Variants in TMPRSS15 observed in about 807,000 individuals in gnomAD.
The protein encoded by TMPRSS15 is transmembrane serine protease 15.
TMPRSS15 carries 128 observed loss-of-function variants against 125.3 expected under a neutral mutation model. The observed-to-expected ratio is 1.02, with a 90% confidence interval of 0.89 to 1.18. The LOEUF (loss-of-function observed/expected upper bound fraction) is 1.18. TMPRSS15 is among the 50% of genes most tolerant of loss of function. The pLI, the probability that TMPRSS15 is intolerant of heterozygous loss-of-function variation, is 0.00. For synonymous variants in TMPRSS15, 446 were observed against 423.2 expected (o/e 1.05, Z -0.66); for missense variants, 1,283 against 1,212.7 (o/e 1.06, Z -0.86).
chr21:18,434,864 T>A (rs919997054), intron 1 of TMPRSS15, among the ~76,000 whole-genome samples: 2 of 152,088 alleles, frequency 1.3e-5, no homozygotes, highest in African/African-American at 2.4e-5. Context: ...TATCTAGCCT[T>A]ATATAATTAT....
At chr21:18,280,411 C>T (rs113009667) in intron 22 of TMPRSS15, among the ~76,000 whole-genome samples, 181 of 151,904 alleles carry the variant, frequency 1.2e-3, no homozygotes, top group Non-Finnish European at 2.2e-3. Flanking sequence ...CCCATCTCTA[C>T]TAAAAATACA....
intron 3 of TMPRSS15, among the ~76,000 whole-genome samples, chr21:18,397,116 C>A (rs568155690): frequency 1.3e-5 from 2 of 151,504 alleles, no homozygotes; most frequent in African/African-American, 4.8e-5. Context: ...TTACATTTTT[C>A]TTTCTTTTAT....
At chr21:18,443,159 AG>A (rs34915266) in intron 1 of TMPRSS15, among the ~76,000 whole-genome samples, 3 of 152,216 alleles carry the variant, frequency 2.0e-5, no homozygotes, top group Non-Finnish European at 4.4e-5. Context: ...GAAAAACGGC[AG>A]GGAAGCTACG....
intron 13 of TMPRSS15, among the ~76,000 whole-genome samples, chr21:18,333,796 T>C (rs1283330293): frequency 6.6e-6 from 1 of 152,150 alleles, no homozygotes; most frequent in Non-Finnish European, 1.5e-5. Context: ...AGATTAACTT[T>C]ATAAAATTCT....
chr21:18,345,537 C>T (rs949486671), intron 10 of TMPRSS15, among the ~76,000 whole-genome samples: 1 of 150,386 alleles, frequency 6.6e-6, no homozygotes, highest in Non-Finnish European at 1.5e-5. Flanking sequence ...GTCAGGAGAT[C>T]CAGACCATCC....
rs183638913 is a variant in TMPRSS15, at chr21:18,358,949, T to A, written c.880+808A>T. On this transcript the variant is annotated intron_variant, in intron 8 of 24. Coordinates refer to ENST00000284885, the MANE Select transcript of TMPRSS15 (RefSeq NM_002772.3). ...CAAGGTTCTTAAAATAAAGTTATTATATAAAATTTAATCACAGGTGTCACC... is the reference window on the plus strand; with the variant it reads ...CAAGGTTCTTAAAATAAAGTTATTAAATAAAATTTAATCACAGGTGTCACC... Among the ~76,000 whole-genome samples the A allele has an allele frequency of 1.6e-3, 247 of 152,214 alleles. 2 individuals carry two copies. The highest frequency in any genetic ancestry group is 5.6e-3 in the African/African-American group (234 of 41,550).
chr21:18,482,781 G>A (rs907425126), intron 1 of TMPRSS15, among the ~76,000 whole-genome samples: 1 of 151,524 alleles, frequency 6.6e-6, no homozygotes, highest in East Asian at 1.9e-4. Context: ...TATTAGTCTA[G>A]GAAATCTCAA....
chr21:18,456,303 T>A (rs1978439085), intron 1 of TMPRSS15, among the ~76,000 whole-genome samples: 1 of 152,098 alleles, frequency 6.6e-6, no homozygotes, highest in Non-Finnish European at 1.5e-5. Context: ...TTGTCTAATG[T>A]CAGCGTTTCA....
intron 1 of TMPRSS15, among the ~76,000 whole-genome samples, chr21:18,468,384 A>C (rs1373169448): frequency 6.6e-6 from 1 of 152,136 alleles, no homozygotes; most frequent in African/African-American, 2.4e-5. Context: ...ATTGATATAC[A>C]ATTGCAGGTT....
Position 18,294,517 on chromosome 21 carries a change from A to G in TMPRSS15, c.2312-73T>C, listed in dbSNP as rs904406883. ...CTTCTGATGGTGAAAATTGAGTGGT[A>G]ACAAAATAACTTCAGGTGACATAAA... On this transcript the variant is annotated intron_variant, in intron 20 of 24. Coordinates refer to ENST00000284885, the MANE Select transcript of TMPRSS15 (RefSeq NM_002772.3). 26 of 1,602,936 alleles carry G rather than the reference A, an allele frequency of 1.6e-5. No individual in the cohort carries two copies. The Middle Eastern group carries it at 8.2e-4, about 51-fold the overall frequency.
At chr21:18,395,038 A>G (rs1292477854) in intron 3 of TMPRSS15, among the ~76,000 whole-genome samples, 2 of 152,212 alleles carry the variant, frequency 1.3e-5, no homozygotes, top group Non-Finnish European at 1.5e-5. Flanking sequence ...GTTTTCCCAT[A>G]AAGTTAACGA....
intron 5 of TMPRSS15, among the ~76,000 whole-genome samples, chr21:18,377,060 C>T (rs2075851636): frequency 6.6e-6 from 1 of 152,076 alleles, no homozygotes; most frequent in African/African-American, 2.4e-5. Flanking sequence ...GCCTCGTTCC[C>T]TTCTATAAAT....
At chr21:18,343,748 A>G in intron 11 of TMPRSS15, 92 bp from the exon 12 acceptor site, 1 of 1,449,370 alleles carries the variant, frequency 6.9e-7, no homozygotes, top group Non-Finnish European at 9.6e-7. Flanking sequence ...TTTCTTTGAA[A>G]TAATCTTTTT....
At chr21:18,415,491 T>C (rs1282921385) in intron 1 of TMPRSS15, among the ~76,000 whole-genome samples, 2 of 152,130 alleles carry the variant, frequency 1.3e-5, no homozygotes, top group Non-Finnish European at 2.9e-5. Flanking sequence ...TCAGATCTTA[T>C]GTTTAAGTCT....
intron 15 of TMPRSS15, 65 bp downstream of exon 15, chr21:18,329,104 G>T: frequency 1.3e-6 from 2 of 1,583,216 alleles, no homozygotes; most frequent in Non-Finnish European, 8.7e-7. Flanking sequence ...ATTAAGAAAC[G>T]CTCTTTCCAT....
chr21:18,357,846 T>G (rs989671082), intron 8 of TMPRSS15, among the ~76,000 whole-genome samples: 2 of 151,770 alleles, frequency 1.3e-5, no homozygotes, highest in African/African-American at 4.8e-5. Flanking sequence ...AGATGCCAGT[T>G]GTAAGATAAT....
chr21:18,479,041 A>G (rs1228943085), intron 1 of TMPRSS15, among the ~76,000 whole-genome samples: 1 of 151,900 alleles, frequency 6.6e-6, no homozygotes, highest in African/African-American at 2.4e-5. Context: ...AGCATCCCAC[A>G]TCTGAAAATC....
At chr21:18,331,169 G>A (rs546932449) in intron 14 of TMPRSS15, among the ~76,000 whole-genome samples, 31 of 151,486 alleles carry the variant, frequency 2.0e-4, no homozygotes, top group Admixed American at 5.9e-4. Context: ...TTATTTTTTG[G>A]GGATGAGGTA....
rs2075917861 is a variant in TMPRSS15, at chr21:18,383,897, T to C, written c.345-119A>G. ...GTTATCATCTTGCTAATTCTCATTATACCTGTGTAAGGTAGTCACTTCAAA... is the reference window on the plus strand; with the variant it reads ...GTTATCATCTTGCTAATTCTCATTACACCTGTGTAAGGTAGTCACTTCAAA... On this transcript the variant is annotated intron_variant, in intron 3 of 24. Coordinates refer to ENST00000284885, the MANE Select transcript of TMPRSS15 (RefSeq NM_002772.3). 7 of 1,216,674 alleles carry C rather than the reference T, an allele frequency of 5.8e-6. No homozygotes were observed. In the South Asian group the frequency reaches 7.8e-5, roughly 14 times the overall value. The allele number at this position is 1,216,674 out of a possible 1,614,324, so 75.4% of individuals were successfully genotyped here. A position where few individuals can be genotyped will look rare whatever the true frequency, so the allele number is the denominator to read the frequency against.
Sources: gnomAD v4.1 joint callset for allele counts (sites outside exome capture counted in the v4.1 genomes callset) on GRCh38, gnomAD v4.1.1 for gene constraint, MANE v1.5 for transcripts, NCBI Gene and HGNC (gene_info 2026-07-23, HGNC 2026-07-21) for gene names.